MDM2: variants seen among roughly 807,000 people sequenced by gnomAD.
MDM2 encodes E3 ubiquitin-protein ligase Mdm2.
In MDM2, 11 loss-of-function variants were observed where a neutral mutation model predicts 64.3. That is an observed-to-expected ratio of 0.17 (90% CI 0.11 to 0.28). MDM2 has a LOEUF of 0.28. Ranked by LOEUF, MDM2 falls within the 10% of genes least tolerant of loss-of-function variation. The pLI, the probability that MDM2 is intolerant of heterozygous loss-of-function variation, is 1.00. For synonymous variants in MDM2, 194 were observed against 192.9 expected (o/e 1.01, Z -0.05); for missense variants, 388 against 577.1 (o/e 0.67, Z 3.36).
At position 68,840,148 on chromosome 12, in the gene MDM2, CTT is replaced by C. The variant is rs1196001885; in HGVS notation, c.*300_*301del. 2.0e-5 allele frequency: 6 copies of C among 301,280 alleles called. No individual in the cohort carries two copies. The highest frequency in any genetic ancestry group is 6.8e-5 in the South Asian group (1 of 14,732). 18.7% of individuals were successfully genotyped at this position (301,280 alleles called of 1,614,324 possible). A position where few individuals can be genotyped will look rare whatever the true frequency, so the allele number is the denominator to read the frequency against. On this transcript the variant is annotated 3_prime_UTR_variant, in exon 11 of 11. Coordinates refer to ENST00000258149, the MANE Select transcript of MDM2 (RefSeq NM_002392.6). ...ATATGTATATGACATTTAAATGTAA[CTT>C]ATTATTTTTTTTGAGACCGAGTCTT...
At chr12:68,831,308 A>G (rs907250672) in intron 8 of MDM2, among the ~76,000 whole-genome samples, 5 of 152,194 alleles carry the variant, frequency 3.3e-5, no homozygotes, top group South Asian at 2.1e-4. Flanking sequence ...CATTCTGACA[A>G]TACTAGCCAG....
At chr12:68,827,566 C>A (rs1488014722) in intron 7 of MDM2, among the ~76,000 whole-genome samples, 1 of 152,152 alleles carries the variant, frequency 6.6e-6, no homozygotes, top group Non-Finnish European at 1.5e-5. Flanking sequence ...ATGGTCTAAT[C>A]TTGATAGTCT....
downstream of MDM2, chr12:68,846,528 TC>T (rs1884309982): frequency 6.6e-6 from 1 of 152,230 alleles, no homozygotes; most frequent in South Asian, 2.1e-4. Flanking sequence ...AAGTAGGCCT[TC>T]CTTCAAGATC....
intron 3 of MDM2, among the ~76,000 whole-genome samples, chr12:68,815,087 C>T (rs1166865996): frequency 6.6e-6 from 1 of 152,172 alleles, no homozygotes; most frequent in Non-Finnish European, 1.5e-5. Context: ...AGGCCGATGC[C>T]TGCTTAGCCA....
intron 5 of MDM2, 52 bp from the exon 6 acceptor site, chr12:68,824,311 C>T: frequency 7.4e-7 from 1 of 1,351,842 alleles, no homozygotes; most frequent in Non-Finnish European, 1.1e-6. Context: ...GAGTAGCGCC[C>T]CGCCGCCCCC....
At position 68,839,986 on chromosome 12, in the gene MDM2, C is replaced by T. The variant is rs1349566028; in HGVS notation, c.*137C>T. The stretch of plus-strand genomic sequence containing the variant: ...GATTTCTTCTCTTTAGTATAATTGA[C>T]CTACTTTGGTAGTGGAATAGTGAAT... On this transcript the variant is annotated 3_prime_UTR_variant, in exon 11 of 11. Transcript: ENST00000258149. The T allele has an allele frequency of 5.0e-5, 39 of 782,108 alleles. No individual in the cohort carries two copies. Among genetic ancestry groups the T allele is most frequent in the South Asian group, 2.2e-4 (11 of 49,164 alleles). The allele number at this position is 782,108 out of a possible 1,614,324, so 48.4% of individuals were successfully genotyped here.
At chr12:68,811,265 T>C (rs989417181) in intron 2 of MDM2, among the ~76,000 whole-genome samples, 1 of 152,204 alleles carries the variant, frequency 6.6e-6, no homozygotes, top group African/African-American at 2.4e-5. Context: ...TTGGAGTAGC[T>C]CTATGTGTTT....
At chr12:68,808,607 C>A in intron 1 of MDM2, 116 bp downstream of exon 1, 1 of 1,477,280 alleles carries the variant, frequency 6.8e-7, no homozygotes, top group South Asian at 1.2e-5. Context: ...TGGCTGGGGG[C>A]TCGGGGCGCG....
chr12:68,833,282 TATAAA>T (rs1883003842), intron 8 of MDM2, among the ~76,000 whole-genome samples: 1 of 120,724 alleles, frequency 8.3e-6, no homozygotes, highest in Non-Finnish European at 1.7e-5. Context: ...TTTATATAAA[TATAAA>T]TATATATATT....
intron 10 of MDM2, 52 bp downstream of exon 10, chr12:68,836,801 T>G: frequency 8.9e-7 from 1 of 1,119,610 alleles, no homozygotes; most frequent in East Asian, 2.4e-5. Context: ...AAGGTCAAGA[T>G]TAGGAGACTA....
At chr12:68,816,479 TCTC>T (rs1241924290) in intron 3 of MDM2, among the ~76,000 whole-genome samples, 1 of 145,420 alleles carries the variant, frequency 6.9e-6, no homozygotes, top group South Asian at 2.3e-4. Flanking sequence ...TTCAAGCAAT[TCTC>T]CTGCCTCAGC....
At chr12:68,824,673 A>G in intron 7 of MDM2, 22 bp downstream of exon 7, 1 of 1,380,416 alleles carries the variant, frequency 7.2e-7, no homozygotes, top group East Asian at 2.3e-5. Context: ...TATTTATTTG[A>G]CGCATTCACA....
intron 3 of MDM2, among the ~76,000 whole-genome samples, chr12:68,815,373 T>C (rs1296806390): frequency 1.3e-5 from 2 of 151,530 alleles, no homozygotes; most frequent in Non-Finnish European, 2.9e-5. Flanking sequence ...TGAAAGCTAG[T>C]ATGGGTAGTA....
chr12:68,836,763 T>C lies in MDM2; in HGVS notation c.918+14T>C, dbSNP rs745347613. ...ATTTCCTTAGCTGTAAGTATACATCTACTTTTTTAAGAAATAAAAATTTCA... is the reference window on the plus strand; with the variant it reads ...ATTTCCTTAGCTGTAAGTATACATCCACTTTTTTAAGAAATAAAAATTTCA... On this transcript the variant is annotated intron_variant, in intron 10 of 10. Coordinates refer to ENST00000258149, the MANE Select transcript of MDM2 (RefSeq NM_002392.6). The C allele has an allele frequency of 1.9e-6, 3 of 1,558,240 alleles. No homozygotes were observed. The highest frequency in any genetic ancestry group is 2.3e-5 in the South Asian group (2 of 88,780).
intron 7 of MDM2, 150 bp from the exon 8 acceptor site, chr12:68,828,621 C>T (rs1882535169): frequency 3.3e-6 from 2 of 612,178 alleles, no homozygotes; most frequent in South Asian, 2.1e-5. Flanking sequence ...AGATAGTGTT[C>T]TGCTGTAACA....
At chr12:68,830,888 A>G (rs1017713528) in intron 8 of MDM2, among the ~76,000 whole-genome samples, 1 of 152,074 alleles carries the variant, frequency 6.6e-6, no homozygotes, top group African/African-American at 2.4e-5. Context: ...TTTAGTAGAG[A>G]TGGGGTTTCA....
chr12:68,836,006 A>G, intron 9 of MDM2, 22 bp downstream of exon 9: 1 of 1,549,688 alleles, frequency 6.5e-7, no homozygotes, highest in Non-Finnish European at 8.7e-7. Flanking sequence ...TTTCCCCTCT[A>G]ATTATATTGG....
intron 7 of MDM2, 53 bp from the exon 8 acceptor site, chr12:68,828,718 T>C: frequency 6.4e-7 from 1 of 1,555,754 alleles, no homozygotes; most frequent in Non-Finnish European, 8.8e-7. Flanking sequence ...TCAAAACAGC[T>C]CAATTTTCTA....
chr12:68,836,119 A>T, intron 9 of MDM2, 135 bp downstream of exon 9: 1 of 752,218 alleles, frequency 1.3e-6, no homozygotes, highest in Non-Finnish European at 2.0e-6. Context: ...AAACTAACAC[A>T]TTGGTTTGTG....
Sources: allele counts gnomAD v4.1 joint callset (sites outside exome capture counted in the v4.1 genomes callset), GRCh38; gene constraint gnomAD v4.1.1; transcripts MANE v1.5; gene names NCBI Gene and HGNC (gene_info 2026-07-23, HGNC 2026-07-21).